Variants in LRMDA observed in about 807,000 individuals in gnomAD.
The protein encoded by LRMDA is leucine rich melanocyte differentiation associated.
LRMDA carries 18 observed loss-of-function variants against 29.8 expected under a neutral mutation model. That is an observed-to-expected ratio of 0.60 (90% CI 0.42 to 0.90). LRMDA has a LOEUF of 0.90. LRMDA is among the 40% of genes least tolerant of loss of function. The pLI, the probability that LRMDA is intolerant of heterozygous loss-of-function variation, is 0.00. For synonymous variants in LRMDA, 125 were observed against 109.4 expected, an observed-to-expected ratio of 1.14 and a Z score of -0.89; for missense variants, 273 against 273.9, an observed-to-expected ratio of 1.00 and a Z score of 0.02.
chr10:75,581,504 G>A (rs1026785871), intron 2 of LRMDA, among the ~76,000 whole-genome samples: 1 of 152,150 alleles, frequency 6.6e-6, no homozygotes, highest in Non-Finnish European at 1.5e-5. Flanking sequence ...GGAAGACAGT[G>A]TGGTGATTCC....
At chr10:76,219,318 G>A (rs560134572) in intron 5 of LRMDA, among the ~76,000 whole-genome samples, 2 of 152,230 alleles carry the variant, frequency 1.3e-5, no homozygotes. Flanking sequence ...ACACAGACTG[G>A]CAAATTGGAT....
intron 2 of LRMDA, among the ~76,000 whole-genome samples, chr10:75,567,253 G>T (rs747973552): frequency 7.9e-5 from 12 of 152,256 alleles, no homozygotes; most frequent in South Asian, 2.1e-4. Context: ...AGGCATCAAG[G>T]CCTTCCACAT....
Position 76,557,568 on chromosome 10 carries a change from G to A in LRMDA, c.*280G>A. 4.1e-6 allele frequency: 2 copies of A among 492,160 alleles called. No homozygotes were observed. The highest frequency in any genetic ancestry group is 7.3e-6 in the Non-Finnish European group (2 of 273,144). The allele number at this position is 492,160 out of a possible 1,614,324, so 30.5% of individuals were successfully genotyped here. A position where few individuals can be genotyped will look rare whatever the true frequency, so the allele number is the denominator to read the frequency against. ...CGGTGGCAAAGCAACAGGGCTGACA[G>A]CATGAACACCATGATAGATTGCCTG... On this transcript the variant is annotated 3_prime_UTR_variant, in exon 7 of 7. Coordinates refer to ENST00000611255, the MANE Select transcript of LRMDA (RefSeq NM_001305581.2).
At chr10:76,455,597 G>C (rs1043746705) in intron 6 of LRMDA, among the ~76,000 whole-genome samples, 5 of 152,156 alleles carry the variant, frequency 3.3e-5, no homozygotes, top group Non-Finnish European at 7.3e-5. Context: ...CAAAAGGTCT[G>C]TTCTCCTTGT....
intron 2 of LRMDA, among the ~76,000 whole-genome samples, chr10:75,476,322 G>C (rs889168970): frequency 3.3e-5 from 5 of 152,194 alleles, no homozygotes; most frequent in African/African-American, 1.2e-4. Flanking sequence ...AGTAACATCA[G>C]TTCTCCAGAG....
chr10:75,916,193 T>TGTGTGGGTGGGTGG, intron 2 of LRMDA, among the ~76,000 whole-genome samples: 1 of 140,154 alleles, frequency 7.1e-6, no homozygotes, highest in East Asian at 2.1e-4. Flanking sequence ...TGTGTGTGTG[T>TGTGTGGGTGGGTGG]GTGGGTGGGT....
Position 75,929,295 on chromosome 10 carries a change from A to ATGTGTGTGTGTGTGTG in LRMDA, c.132-106709_132-106694dup, listed in dbSNP as rs151109175. Among the ~76,000 whole-genome samples, 97 of 151,114 alleles carry ATGTGTGTGTGTGTGTG rather than the reference A, an allele frequency of 6.4e-4. 1 individual carries two copies. Among genetic ancestry groups the ATGTGTGTGTGTGTGTG allele is most frequent in the Middle Eastern group, 3.4e-3 (1 of 292 alleles). On this transcript the variant is annotated intron_variant, in intron 2 of 6. Transcript: ENST00000611255. ...ATACAAGCATTTAAATGCATGATCT[A>ATGTGTGTGTGTGTGTG]TGTGTGTGTGTGTGTGTGTAAATGA...
At chr10:76,052,929 A>G (rs918349390) in intron 4 of LRMDA, among the ~76,000 whole-genome samples, 2 of 152,070 alleles carry the variant, frequency 1.3e-5, no homozygotes, top group Non-Finnish European at 2.9e-5. Context: ...CGTGAGACTT[A>G]GAACTTAGAC....
At chr10:76,477,905 G>C (rs1487698791) in intron 6 of LRMDA, among the ~76,000 whole-genome samples, 1 of 152,130 alleles carries the variant, frequency 6.6e-6, no homozygotes, top group Non-Finnish European at 1.5e-5. Context: ...ATTAAATCAA[G>C]ATGGATTAAA....
chr10:76,542,911 C>T (rs764384518), intron 6 of LRMDA, among the ~76,000 whole-genome samples: 42 of 152,154 alleles, frequency 2.8e-4, no homozygotes, highest in Non-Finnish European at 5.6e-4. Context: ...GAAGGCCTCA[C>T]TTGTACCAAC....
rs1842886464 is a variant in LRMDA, at chr10:76,497,579, C to T, written c.602-59630C>T. ...TGGCAAAAGTGTGAAATTGTATTCT[C>T]TTCCCCCTATTTCAGTTCTCTTTTT... On this transcript the variant is annotated intron_variant, in intron 6 of 6. Coordinates refer to ENST00000611255, the MANE Select transcript of LRMDA (RefSeq NM_001305581.2). 2.6e-5 allele frequency among the ~76,000 whole-genome samples: 2 copies of T among 75,768 alleles called. 1 individual carries two copies. The highest frequency in any genetic ancestry group is 6.4e-5 in the African/African-American group (2 of 31,146). 49.7% of individuals were successfully genotyped at this position (75,768 alleles called of 152,430 possible).
At chr10:75,958,004 G>C (rs1375503381) in intron 2 of LRMDA, among the ~76,000 whole-genome samples, 1 of 152,178 alleles carries the variant, frequency 6.6e-6, no homozygotes, top group Non-Finnish European at 1.5e-5. Context: ...GATGTTTATG[G>C]GCTTGTGCAG....
intron 6 of LRMDA, among the ~76,000 whole-genome samples, chr10:76,354,801 T>A (rs140452208): frequency 6.6e-6 from 1 of 152,314 alleles, no homozygotes; most frequent in East Asian, 1.9e-4. Context: ...CTCCAACATT[T>A]ATCATTTCTG....
At chr10:76,378,484 T>C (rs1291589558) in intron 6 of LRMDA, among the ~76,000 whole-genome samples, 1 of 152,216 alleles carries the variant, frequency 6.6e-6, no homozygotes, top group African/African-American at 2.4e-5. Context: ...GCTTTCAATT[T>C]CTCCTCATTC....
intron 2 of LRMDA, among the ~76,000 whole-genome samples, chr10:75,475,368 G>A (rs1270205868): frequency 6.6e-6 from 1 of 150,874 alleles, no homozygotes; most frequent in Non-Finnish European, 1.5e-5. Context: ...GAGCCTGGGT[G>A]AGGAAGGAGT....
chr10:75,513,040 G>A (rs572903580), intron 2 of LRMDA, among the ~76,000 whole-genome samples: 70 of 152,200 alleles, frequency 4.6e-4, no homozygotes, highest in African/African-American at 1.7e-3. Context: ...AATCAGAATT[G>A]TTTAACTGGA....
At chr10:75,818,879 A>C (rs768549461) in intron 2 of LRMDA, among the ~76,000 whole-genome samples, 1 of 152,226 alleles carries the variant, frequency 6.6e-6, no homozygotes, top group Admixed American at 6.5e-5. Context: ...CCTCATGAGT[A>C]AAGTAGGGGC....
chr10:76,511,351 A>G (rs1358254015), intron 6 of LRMDA, among the ~76,000 whole-genome samples: 1 of 151,682 alleles, frequency 6.6e-6, no homozygotes, highest in Non-Finnish European at 1.5e-5. Flanking sequence ...AGTGCCAAGG[A>G]AAGGAGGGCC....
chr10:75,608,129 T>TATATATATATATACACAC (rs11271217), intron 2 of LRMDA, among the ~76,000 whole-genome samples: 18 of 89,600 alleles, frequency 2.0e-4, no homozygotes, highest in Admixed American at 6.6e-4. Flanking sequence ...TATATATATA[T>TATATATATATATACACAC]ACACACACAT....
Sources: gnomAD v4.1 joint callset for allele counts (sites outside exome capture counted in the v4.1 genomes callset) on GRCh38, gnomAD v4.1.1 for gene constraint, MANE v1.5 for transcripts, NCBI Gene and HGNC (gene_info 2026-07-23, HGNC 2026-07-21) for gene names.